AKR1C4: variants seen among roughly 807,000 people sequenced by gnomAD.
AKR1C4 encodes the protein aldo-keto reductase family 1 member C4.
Under a neutral mutation model 41.0 loss-of-function variants are expected in AKR1C4, and 44 were observed. That is an observed-to-expected ratio of 1.07 (90% CI 0.84 to 1.38). The LOEUF is 1.38. Among genes scored for constraint, AKR1C4 ranks in the 40% most tolerant of loss-of-function variants. AKR1C4 has a pLI of 0.00. For missense variants in AKR1C4, 438 were observed against 387.9 expected (o/e 1.13, Z -1.09); for synonymous variants, 165 against 137.7 (o/e 1.20, Z -1.39).
intron 2 of AKR1C4, 100 bp from the exon 3 acceptor site, chr10:5,204,272 GTCATC>G (rs1272005732): frequency 1.2e-6 from 1 of 854,076 alleles, no homozygotes; most frequent in East Asian, 2.4e-5. Flanking sequence ...TTTGCCAGAG[GTCATC>G]TGTTTGGAAC....
intron 1 of AKR1C4, among the ~76,000 whole-genome samples, chr10:5,198,524 T>G (rs1018121971): frequency 6.6e-6 from 1 of 152,174 alleles, no homozygotes; most frequent in African/African-American, 2.4e-5. Flanking sequence ...GTTAAAATCT[T>G]GGGAATTGAG....
At chr10:5,210,877 T>C (rs1554797858) in intron 5 of AKR1C4, among the ~76,000 whole-genome samples, 1 of 152,222 alleles carries the variant, frequency 6.6e-6, no homozygotes, top group Non-Finnish European at 1.5e-5. Flanking sequence ...CCCAAAGTGC[T>C]GGGATTACAG....
intron 4 of AKR1C4, among the ~76,000 whole-genome samples, chr10:5,206,042 C>A (rs193110789): frequency 6.6e-6 from 1 of 152,290 alleles, no homozygotes; most frequent in Non-Finnish European, 1.5e-5. Flanking sequence ...ACAAGGAAGA[C>A]AGATATTCCT....
intron 2 of AKR1C4, among the ~76,000 whole-genome samples, chr10:5,201,334 A>G (rs893624123): frequency 5.9e-5 from 9 of 152,072 alleles, no homozygotes; most frequent in African/African-American, 2.2e-4. Flanking sequence ...TGTGATTTTA[A>G]TTTGTACTTC....
chr10:5,203,107 T>A (rs1245451858), intron 2 of AKR1C4, among the ~76,000 whole-genome samples: 4 of 152,078 alleles, frequency 2.6e-5, no homozygotes, highest in Non-Finnish European at 5.9e-5. Flanking sequence ...TCTTTGAACA[T>A]CTCCTGTGGA....
At chr10:5,217,346 C>G (rs981813253) in intron 8 of AKR1C4, among the ~76,000 whole-genome samples, 1 of 152,226 alleles carries the variant, frequency 6.6e-6, no homozygotes, top group Non-Finnish European at 1.5e-5. Context: ...ATGACCCAAA[C>G]ACTGCATTTT....
chr10:5,199,547 C>T (rs1832364329), intron 1 of AKR1C4, among the ~76,000 whole-genome samples: 1 of 152,058 alleles, frequency 6.6e-6, no homozygotes, highest in African/African-American at 2.4e-5. Context: ...TTGAGAGGAT[C>T]ACATCGGCAG....
At chr10:5,200,121 C>T in intron 1 of AKR1C4, 60 bp from the exon 2 acceptor site, 1 of 1,561,468 alleles carries the variant, frequency 6.4e-7, no homozygotes, top group Admixed American at 1.8e-5. Context: ...GGAACTTTTC[C>T]TGTTTCACTA....
intron 5 of AKR1C4, among the ~76,000 whole-genome samples, chr10:5,208,082 A>T (rs1832517666): frequency 6.6e-6 from 1 of 151,618 alleles, no homozygotes; most frequent in South Asian, 2.1e-4. Context: ...AAGGAAAGTT[A>T]ACTATTTATG....
Position 5,204,491 on chromosome 10 carries a change from A to G in AKR1C4, c.367A>G (p.Lys123Glu), listed in dbSNP as rs782349269. The change falls in exon 3 of 9, where the codon AAG becomes GAG. Residue 123 changes from lysine to glutamate, a missense_variant and splice_region_variant. Lys to Glu is a moderately conservative substitution (Grantham distance 56). Coordinates refer to ENST00000263126, the MANE Select transcript of AKR1C4 (RefSeq NM_001818.5). ...LYLLHFPMALKPGETPLPKDE... is the reference protein window; with the variant it reads ...LYLLHFPMALEPGETPLPKDE... ...TCTTCTTCATTTCCCAATGGCTCTC[A>G]AGGTAGGGAATTTGTGAGATCAACT... The G allele has an allele frequency of 1.2e-6, 2 of 1,603,288 alleles. 1 individual carries two copies. Among genetic ancestry groups the G allele is most frequent in the South Asian group, 2.2e-5 (2 of 90,788 alleles).
At chr10:5,202,929 T>C (rs1207931089) in intron 2 of AKR1C4, among the ~76,000 whole-genome samples, 1 of 119,278 alleles carries the variant, frequency 8.4e-6, no homozygotes, top group Non-Finnish European at 1.8e-5. Flanking sequence ...GATTGGTCTA[T>C]AGTTTTCTTT....
chr10:5,210,958 T>C (rs2132135685), intron 5 of AKR1C4, among the ~76,000 whole-genome samples: 1 of 152,298 alleles, frequency 6.6e-6, no homozygotes, highest in Admixed American at 6.5e-5. Context: ...CACTACCACA[T>C]AGAAGCTGCC....
At chr10:5,204,304 A>T in intron 2 of AKR1C4, 73 bp from the exon 3 acceptor site, 1 of 1,180,488 alleles carries the variant, frequency 8.5e-7, no homozygotes. Flanking sequence ...AAATGTCTAA[A>T]TATTAGGTGA....
At chr10:5,205,940 T>G in intron 4 of AKR1C4, 106 bp downstream of exon 4, 2 of 1,210,624 alleles carry the variant, frequency 1.7e-6, no homozygotes. Context: ...GAACTAGAAA[T>G]TAAGGAGCTT....
At chr10:5,202,120 G>C (rs115739690) in intron 2 of AKR1C4, among the ~76,000 whole-genome samples, 2,066 of 152,024 alleles carry the variant, frequency 0.014, 45 homozygotes, top group African/African-American at 0.047. Flanking sequence ...TTGGAATATG[G>C]CCATTTTTAT....
intron 1 of AKR1C4, among the ~76,000 whole-genome samples, chr10:5,199,315 G>C (rs555851301): frequency 6.6e-6 from 1 of 152,090 alleles, no homozygotes; most frequent in Non-Finnish European, 1.5e-5. Context: ...GGAAGAGCGT[G>C]GTCCCTTTAA....
At chr10:5,205,079 T>C (rs1258462623) in intron 3 of AKR1C4, among the ~76,000 whole-genome samples, 4 of 152,138 alleles carry the variant, frequency 2.6e-5, no homozygotes, top group African/African-American at 9.7e-5. Context: ...TAAAAAAGAG[T>C]TTATTGCATG....
Position 5,204,684 on chromosome 10 carries a change from G to A in AKR1C4, c.369+191G>A, listed in dbSNP as rs201853760. 660 of 739,354 alleles carry A rather than the reference G, an allele frequency of 8.9e-4. 3 individuals are homozygous for A. The African/African-American group carries it at 0.01, about 11-fold the overall frequency. The allele number at this position is 739,354 out of a possible 1,614,324, so 45.8% of individuals were successfully genotyped here. ...TAACGTATGATGACAAGAGAAGACA[G>A]TACATCAACCTCAAAGCCTCTGATT... On this transcript the variant is annotated intron_variant, in intron 3 of 8. Transcript: ENST00000263126.
At chr10:5,198,523 T>C (rs1444912835) in intron 1 of AKR1C4, among the ~76,000 whole-genome samples, 1 of 152,190 alleles carries the variant, frequency 6.6e-6, no homozygotes, top group Non-Finnish European at 1.5e-5. Flanking sequence ...AGTTAAAATC[T>C]TGGGAATTGA....
Sources: allele counts gnomAD v4.1 joint callset (sites outside exome capture counted in the v4.1 genomes callset), GRCh38; gene constraint gnomAD v4.1.1; transcripts MANE v1.5; gene names NCBI Gene and HGNC (gene_info 2026-07-23, HGNC 2026-07-21).